The following SLC25A26 variants were observed in gnomAD, a reference collection of about 807,000 sequenced individuals.
SLC25A26 encodes solute carrier family 25 member 26, also known as mitochondrial S-adenosylmethionine carrier protein.
SLC25A26 carries 36 observed loss-of-function variants against 37.8 expected under a neutral mutation model. The ratio of observed to expected loss-of-function variants is 0.95; its 90% confidence interval spans 0.73 to 1.26. The LOEUF is 1.26. Ranked by LOEUF, SLC25A26 falls within the 50% of genes most tolerant of loss-of-function variation. The pLI is 0.00. For missense variants in SLC25A26, 390 were observed against 331.1 expected (o/e 1.18, Z -1.38); for synonymous variants, 129 against 122.5 (o/e 1.05, Z -0.35).
chr3:66,315,323 CTTTG>C (rs957441658), intron 5 of SLC25A26, among the ~76,000 whole-genome samples: 17 of 152,162 alleles, frequency 1.1e-4, no homozygotes, highest in Non-Finnish European at 2.4e-4. Context: ...TACGTTGTTT[CTTTG>C]TTCTTACTGA....
chr3:66,159,495 C>T (rs891671065), intron 1 of SLC25A26, among the ~76,000 whole-genome samples: 33 of 152,238 alleles, frequency 2.2e-4, no homozygotes, highest in Middle Eastern at 3.4e-3. Flanking sequence ...ATGTTTTATG[C>T]CAGTCCATTA....
At chr3:66,226,070 T>C (rs2071734745) in intron 1 of SLC25A26, among the ~76,000 whole-genome samples, 1 of 152,206 alleles carries the variant, frequency 6.6e-6, no homozygotes. Flanking sequence ...GGTATCTTTA[T>C]AGTAGCACCC....
chr3:66,311,799 T>TG (rs1330752983), intron 5 of SLC25A26, among the ~76,000 whole-genome samples: 1 of 152,194 alleles, frequency 6.6e-6, no homozygotes, highest in Non-Finnish European at 1.5e-5. Context: ...AGACCCTGTG[T>TG]GCCTGGGTAT....
chr3:66,281,792 C>A lies in SLC25A26; in HGVS notation c.453+18413C>A, dbSNP rs147416596. 1.3e-3 allele frequency among the ~76,000 whole-genome samples: 184 copies of A among 146,428 alleles called. 4 individuals carry two copies. Among genetic ancestry groups the A allele is most frequent in the African/African-American group, 4.5e-3 (181 of 40,084 alleles). ...AGTGGGGAGCCTCTTCAGCCTACTT[C>A]TGTGTTCATGTGACATTTCCCCGTT... On this transcript the variant is annotated intron_variant, in intron 5 of 9. Transcript: ENST00000354883.
chr3:66,196,956 T>G (rs1200722000), intron 1 of SLC25A26, among the ~76,000 whole-genome samples: 2 of 152,178 alleles, frequency 1.3e-5, no homozygotes, highest in Non-Finnish European at 2.9e-5. Context: ...CAAGGCATAT[T>G]TTGTTAATTC....
chr3:66,134,530 C>T (rs1412615544), intron 1 of SLC25A26, among the ~76,000 whole-genome samples: 2 of 152,148 alleles, frequency 1.3e-5, no homozygotes, highest in Non-Finnish European at 2.9e-5. Context: ...GAGTTTGAGT[C>T]ACGATGAAAT....
chr3:66,257,798 A>G (rs1429114152), intron 3 of SLC25A26, among the ~76,000 whole-genome samples: 2 of 152,128 alleles, frequency 1.3e-5, no homozygotes, highest in African/African-American at 2.4e-5. Flanking sequence ...ACGGTAGTGT[A>G]CACTTGCTCA....
intron 1 of SLC25A26, among the ~76,000 whole-genome samples, chr3:66,190,909 G>A (rs1366478806): frequency 6.6e-6 from 1 of 152,170 alleles, no homozygotes; most frequent in Non-Finnish European, 1.5e-5. Context: ...TGATTCACAG[G>A]AAGAAATTGT....
chr3:66,312,248 C>G (rs1021358542), intron 5 of SLC25A26, among the ~76,000 whole-genome samples: 2 of 152,142 alleles, frequency 1.3e-5, no homozygotes, highest in Non-Finnish European at 2.9e-5. Context: ...GGGTTCTGCC[C>G]AGCCCGAACT....
intron 1 of SLC25A26, among the ~76,000 whole-genome samples, chr3:66,159,943 G>T (rs1281905539): frequency 2.0e-5 from 3 of 152,106 alleles, no homozygotes; most frequent in Non-Finnish European, 2.9e-5. Flanking sequence ...AATGGGTCTT[G>T]GCCCTGATTC....
At chr3:66,324,903 A>AT (rs1443939307) in intron 5 of SLC25A26, among the ~76,000 whole-genome samples, 2 of 152,010 alleles carry the variant, frequency 1.3e-5, no homozygotes, top group Non-Finnish European at 2.9e-5. Flanking sequence ...CCTACAAATT[A>AT]TAGCGACAAA....
intron 1 of SLC25A26, among the ~76,000 whole-genome samples, chr3:66,141,983 A>G (rs2106668736): frequency 6.6e-6 from 1 of 152,358 alleles, no homozygotes; most frequent in East Asian, 1.9e-4. Flanking sequence ...CTTTATTTAA[A>G]TTGAGATGAA....
intron 5 of SLC25A26, among the ~76,000 whole-genome samples, chr3:66,314,160 A>G (rs1377745348): frequency 6.6e-6 from 1 of 152,098 alleles, no homozygotes; most frequent in Non-Finnish European, 1.5e-5. Context: ...ACTATGTTGA[A>G]TAGGAGTGGT....
intron 3 of SLC25A26, among the ~76,000 whole-genome samples, chr3:66,244,638 G>A (rs1321973181): frequency 1.3e-5 from 2 of 152,154 alleles, no homozygotes; most frequent in African/African-American, 4.8e-5. Flanking sequence ...ATTGGCAACA[G>A]TGACAAAAAA....
intron 1 of SLC25A26, among the ~76,000 whole-genome samples, chr3:66,151,936 G>T (rs2070215603): frequency 6.6e-6 from 1 of 152,128 alleles, no homozygotes; most frequent in Non-Finnish European, 1.5e-5. Context: ...ATTTATAAAT[G>T]TAGTGCTAAA....
chr3:66,364,123 A>G (rs1474128808), intron 7 of SLC25A26, among the ~76,000 whole-genome samples: 1 of 152,226 alleles, frequency 6.6e-6, no homozygotes, highest in Non-Finnish European at 1.5e-5. Context: ...AGTTAGCAAT[A>G]CTATAAAACT....
intron 1 of SLC25A26, among the ~76,000 whole-genome samples, chr3:66,200,451 C>T (rs1245848080): frequency 2.6e-5 from 4 of 152,200 alleles, no homozygotes; most frequent in Non-Finnish European, 4.4e-5. Flanking sequence ...GCTATGGATC[C>T]AAGTGTCATG....
intron 5 of SLC25A26, among the ~76,000 whole-genome samples, chr3:66,274,789 T>G (rs371399584): frequency 2.0e-5 from 3 of 150,442 alleles, no homozygotes; most frequent in Admixed American, 6.7e-5. Flanking sequence ...AGGAACACTT[T>G]TACACTGTTG....
intron 7 of SLC25A26, among the ~76,000 whole-genome samples, chr3:66,367,505 C>T (rs1159429283): frequency 6.6e-6 from 1 of 152,154 alleles, no homozygotes; most frequent in African/African-American, 2.4e-5. Flanking sequence ...GGGATTTAAG[C>T]GTTGGTCTTT....
Sources: gnomAD v4.1 joint callset for allele counts (sites outside exome capture counted in the v4.1 genomes callset) on GRCh38, gnomAD v4.1.1 for gene constraint, MANE v1.5 for transcripts, NCBI Gene and HGNC (gene_info 2026-07-23, HGNC 2026-07-21) for gene names.